The following DAB1 variants were observed in gnomAD, a reference collection of about 807,000 sequenced individuals.
The protein encoded by DAB1 is DAB adaptor protein 1.
Under a neutral mutation model 64.6 loss-of-function variants are expected in DAB1, and 15 were observed. The ratio of observed to expected loss-of-function variants is 0.23; its 90% CI spans 0.16 to 0.36. The LOEUF (loss-of-function observed/expected upper bound fraction) is 0.36. Ranked by LOEUF, DAB1 falls within the 10% of genes least tolerant of loss-of-function variation. The probability of loss-of-function intolerance (pLI) is 1.00; values close to 1 mark genes in which losing one functional copy is unlikely to be tolerated. For missense variants in DAB1, 596 were observed against 706.7 expected, an observed-to-expected ratio of 0.84 and a Z score of 1.78; for synonymous variants, 235 against 251.9, an observed-to-expected ratio of 0.93 and a Z score of 0.64.
At chr1:58,025,088 C>T (rs145338300) in intron 5 of DAB1, among the ~76,000 whole-genome samples, 1,593 of 151,874 alleles carry the variant, frequency 0.01, 10 homozygotes, top group Middle Eastern at 0.017. Flanking sequence ...CCTTCCTTCC[C>T]TCACTCCCTT....
chr1:57,789,302 G>A (rs1450123417), intron 6 of DAB1, among the ~76,000 whole-genome samples: 3 of 152,172 alleles, frequency 2.0e-5, no homozygotes, highest in African/African-American at 4.8e-5. Flanking sequence ...CGCGAGAAGA[G>A]GTAGAAGGGA....
At chr1:58,443,276 C>T (rs1645032665) in intron 3 of DAB1, among the ~76,000 whole-genome samples, 1 of 152,218 alleles carries the variant, frequency 6.6e-6, no homozygotes, top group Non-Finnish European at 1.5e-5. Context: ...TGGACAATGC[C>T]AGCCTCTCAC....
intron 4 of DAB1, among the ~76,000 whole-genome samples, chr1:57,077,905 G>A (rs1003281581): frequency 1.7e-4 from 26 of 151,898 alleles, no homozygotes; most frequent in Admixed American, 2.0e-4. Context: ...ATACCCAACA[G>A]GAATCAAGTG....
chr1:57,823,753 C>A (rs941623916), downstream of DAB1, among the ~76,000 whole-genome samples: 5 of 152,076 alleles, frequency 3.3e-5, no homozygotes, highest in Admixed American at 3.3e-4. Flanking sequence ...TTGGGGCCCC[C>A]ATTCTCTGGG....
intron 3 of DAB1, among the ~76,000 whole-genome samples, chr1:58,501,515 T>A (rs1261502846): frequency 1.3e-5 from 2 of 152,106 alleles, no homozygotes; most frequent in African/African-American, 4.8e-5. Context: ...CCCTCCCCCT[T>A]CCCTTGCTCA....
chr1:57,631,090 T>G (rs1403051650), intron 7 of DAB1, among the ~76,000 whole-genome samples: 1 of 152,082 alleles, frequency 6.6e-6, no homozygotes, highest in Non-Finnish European at 1.5e-5. Flanking sequence ...ATACAGAAGA[T>G]GTAGACTTAT....
At chr1:57,732,772 C>T (rs1402354588) in intron 6 of DAB1, among the ~76,000 whole-genome samples, 9 of 152,000 alleles carry the variant, frequency 5.9e-5, no homozygotes, top group Non-Finnish European at 1.3e-4. Context: ...CATGGTGCGT[C>T]GAACAGGAGA....
At chr1:58,313,888 A>C (rs1557729200) in intron 4 of DAB1, among the ~76,000 whole-genome samples, 1 of 150,702 alleles carries the variant, frequency 6.6e-6, no homozygotes, top group African/African-American at 2.4e-5. Flanking sequence ...AGATAAAGGC[A>C]CTAATGACCT....
chr1:58,542,173 G>A (rs1646633320), intron 1 of DAB1, among the ~76,000 whole-genome samples: 1 of 152,112 alleles, frequency 6.6e-6, no homozygotes, highest in Non-Finnish European at 1.5e-5. Flanking sequence ...AACCCTTTTT[G>A]AAATACAACC....
chr1:57,279,753 AC>A (rs911707393), intron 2 of DAB1, among the ~76,000 whole-genome samples: 3 of 152,220 alleles, frequency 2.0e-5, no homozygotes, highest in African/African-American at 4.8e-5. Flanking sequence ...GTTCATTTTC[AC>A]TTTACCTTTT....
intron 1 of DAB1, among the ~76,000 whole-genome samples, chr1:57,308,041 C>A (rs1396757744): frequency 6.6e-6 from 1 of 152,182 alleles, no homozygotes; most frequent in Non-Finnish European, 1.5e-5. Flanking sequence ...CTGGAGGGAA[C>A]TTTAACCTTA....
chr1:58,471,771 G>A (rs1645362554), intron 3 of DAB1, among the ~76,000 whole-genome samples: 1 of 152,020 alleles, frequency 6.6e-6, no homozygotes, highest in South Asian at 2.1e-4. Context: ...TCCTGCTCCT[G>A]CCATCTGAGG....
At chr1:57,856,182 A>C (rs1569855718) in intron 1 of DAB1, among the ~76,000 whole-genome samples, 1 of 130,394 alleles carries the variant, frequency 7.7e-6, no homozygotes, top group Non-Finnish European at 1.7e-5. Flanking sequence ...TAGAAAAGAG[A>C]AGAAGCTGGG....
chr1:58,291,294 TA>T (rs1410146001), intron 4 of DAB1, among the ~76,000 whole-genome samples: 2 of 152,204 alleles, frequency 1.3e-5, no homozygotes, highest in African/African-American at 4.8e-5. Context: ...TAAAATTATG[TA>T]ACTGGTGGTT....
intron 7 of DAB1, among the ~76,000 whole-genome samples, chr1:57,458,763 G>T (rs555828030): frequency 1.1e-4 from 16 of 152,046 alleles, no homozygotes; most frequent in Non-Finnish European, 1.8e-4. Flanking sequence ...CCTTTTTAAT[G>T]ACATATTAAA....
At chr1:57,136,460 T>A in intron 4 of DAB1, 83 bp downstream of exon 4, 1 of 701,934 alleles carries the variant, frequency 1.4e-6, no homozygotes, top group South Asian at 3.2e-5. Context: ...TTGTTGTATA[T>A]TCCTGCCCAG....
At chr1:57,909,647 T>C (rs886698458) in intron 5 of DAB1, among the ~76,000 whole-genome samples, 2 of 152,198 alleles carry the variant, frequency 1.3e-5, no homozygotes, top group Admixed American at 6.5e-5. Flanking sequence ...CTGTGCCATT[T>C]AGCAAAAAAT....
chr1:57,546,811 C>T (rs1644860918), intron 7 of DAB1, among the ~76,000 whole-genome samples: 1 of 152,062 alleles, frequency 6.6e-6, no homozygotes, highest in African/African-American at 2.4e-5. Flanking sequence ...ACCCATTTCT[C>T]AGAGCATATC....
chr1:57,127,084 C>A (rs1000663523), intron 4 of DAB1, among the ~76,000 whole-genome samples: 54 of 152,160 alleles, frequency 3.5e-4, no homozygotes, highest in African/African-American at 1.3e-3. Flanking sequence ...ACAAATAGCT[C>A]CTGCAAGGAG....
Sources: gnomAD v4.1 joint callset for allele counts (sites outside exome capture counted in the v4.1 genomes callset) on GRCh38, gnomAD v4.1.1 for gene constraint, MANE v1.5 for transcripts, NCBI Gene and HGNC (gene_info 2026-07-23, HGNC 2026-07-21) for gene names.